Variants in GSX1 observed in about 807,000 individuals in gnomAD.
The protein encoded by GSX1 is GS homeo box protein 1.
GSX1 carries 13 observed loss-of-function variants against 17.7 expected under a neutral mutation model. The ratio of observed to expected loss-of-function variants is 0.74; its 90% CI spans 0.48 to 1.17. The LOEUF (loss-of-function observed/expected upper bound fraction) is 1.17, where lower values mean the gene tolerates loss of function less well. Among genes scored for constraint, GSX1 ranks in the 50% most tolerant of loss-of-function variants. GSX1 has a pLI of 0.00. For synonymous variants in GSX1, 202 were observed against 176.2 expected (o/e 1.15, Z -1.16); for missense variants, 371 against 372.1 (o/e 1.00, Z 0.02).
chr13:27,792,804 G>T lies in GSX1; in HGVS notation c.114G>T (p.Ala38=), dbSNP rs571843674. 1.3e-6 allele frequency: 2 copies of T among 1,504,332 alleles called. No individual in the cohort carries two copies. The highest frequency in any genetic ancestry group is 1.8e-6 in the Non-Finnish European group (2 of 1,134,540). The allele number at this position is 1,504,332 out of a possible 1,614,324, so 93.2% of individuals were successfully genotyped here. Residue 38 remains alanine (A), a synonymous_variant, in exon 1 of 2, where the codon GCG becomes GCT. Transcript: ENST00000302945. ...LFPYAVPPPH[A]LHGLSPGACH... Reference sequence around the variant, plus strand: ...CCTACGCTGTGCCCCCGCCGCACGCGCTGCACGGTCTCTCGCCTGGCGCCT... The same window carrying T: ...CCTACGCTGTGCCCCCGCCGCACGCTCTGCACGGTCTCTCGCCTGGCGCCT...
rs548921934 is a variant in GSX1, at chr13:27,792,625, G to A, written c.-66G>A. ...GATACCGCGGCCAGGGAAAGCGCGT[G>A]GAGAGCCGAAAGGTGCGGTGGGCGC... On this transcript the variant is annotated 5_prime_UTR_variant, in exon 1 of 2. Transcript: ENST00000302945. 67 of 1,273,542 alleles carry A rather than the reference G, an allele frequency of 5.3e-5. No homozygotes were observed. The African/African-American group carries it at 9.6e-4, about 18-fold the overall frequency. The allele number at this position is 1,273,542 out of a possible 1,614,324, so 78.9% of individuals were successfully genotyped here.
In GSX1 at chr13:27,793,537, C is replaced by A; in HGVS notation, c.413-29C>A. 6.3e-7 allele frequency: 1 copy of A among 1,586,078 alleles called. No individual in the cohort carries two copies. Among genetic ancestry groups the A allele is most frequent in the South Asian group, 1.2e-5 (1 of 86,512 alleles). On this transcript the variant is annotated intron_variant, in intron 1 of 1. Transcript: ENST00000302945. The surrounding 1 kb of genome is among the most constrained non-coding windows in gnomAD (Gnocchi z 6.2). ...TGGGTCCACAGCACAGAGGTCTGAT[C>A]GCTTCCTTCTCTGCTCTGCCACCTC...
Position 27,792,604 on chromosome 13 carries a change from C to G in GSX1, c.-87C>G. ...CCTGGGCAGAGGCAGCTGCGGGATA[C>G]CGCGGCCAGGGAAAGCGCGTGGAGA... is the stretch of plus-strand genomic sequence containing the variant. On this transcript the variant is annotated 5_prime_UTR_variant, in exon 1 of 2. Coordinates refer to ENST00000302945, the MANE Select transcript of GSX1 (RefSeq NM_145657.3). The G allele has an allele frequency of 8.6e-7, 1 of 1,157,538 alleles. No individual in the cohort carries two copies. Among genetic ancestry groups the G allele is most frequent in the East Asian group, 3.3e-5 (1 of 30,766 alleles). 71.7% of individuals were successfully genotyped at this position (1,157,538 alleles called of 1,614,324 possible). A position where few individuals can be genotyped will look rare whatever the true frequency, so the allele number is the denominator to read the frequency against.
rs928160417 is a variant in GSX1 at position 27,792,783 on chromosome 13, C to T, written c.93C>T (p.Tyr31=). Residue 31 remains tyrosine, a synonymous_variant, in exon 1 of 2, where the codon TAC becomes TAT. Transcript: ENST00000302945. ...GCAGCCCGCCGCCGCTCTTCCCCTA[C>T]GCTGTGCCCCCGCCGCACGCGCTGC... ...PEGSPPPLFP[Y]AVPPPHALHG... is the part of the protein sequence containing the mutation. The T allele has an allele frequency of 2.1e-5, 31 of 1,499,438 alleles. No homozygotes were observed. The highest frequency in any genetic ancestry group is 2.4e-5 in the Non-Finnish European group (27 of 1,132,638). The allele number at this position is 1,499,438 out of a possible 1,614,324, so 92.9% of individuals were successfully genotyped here.
rs895421910 is a variant in GSX1, at chr13:27,792,798, G to T, written c.108G>T (p.Pro36=). 1.3e-6 allele frequency: 2 copies of T among 1,500,632 alleles called. No individual in the cohort carries two copies. The highest frequency in any genetic ancestry group is 2.7e-5 in the East Asian group (1 of 36,500). 93.0% of individuals were successfully genotyped at this position (1,500,632 alleles called of 1,614,324 possible). A position where few individuals can be genotyped will look rare whatever the true frequency, so the allele number is the denominator to read the frequency against. ...PPLFPYAVPP[P]HALHGLSPGA... ...TCTTCCCCTACGCTGTGCCCCCGCCGCACGCGCTGCACGGTCTCTCGCCTG... is the reference window on the plus strand; with the variant it reads ...TCTTCCCCTACGCTGTGCCCCCGCCTCACGCGCTGCACGGTCTCTCGCCTG... The change falls in exon 1 of 2, where the codon CCG becomes CCT. Residue 36 remains proline (P), a synonymous_variant. Transcript: ENST00000302945.
chr13:27,792,875 T>C lies in GSX1; in HGVS notation c.185T>C (p.Val62Ala), dbSNP rs1313326741. The change falls in exon 1 of 2, where the codon GTC (valine) becomes GCC (alanine). Residue 62 changes from valine to alanine, a missense_variant. Physicochemically the swap from Val to Ala is moderately conservative, Grantham distance 64. Transcript: ENST00000302945. Reference sequence around the variant, plus strand: ...CTGCTGTGCGTGTGCCCGCTCTGCGTCACCGCCTCGCAGCTGCATGGGCCC... The same window carrying C: ...CTGCTGTGCGTGTGCCCGCTCTGCGCCACCGCCTCGCAGCTGCATGGGCCC... ...AGLLCVCPLC[V>A]TASQLHGPPG... The C allele has an allele frequency of 1.1e-5, 16 of 1,522,200 alleles. No homozygotes were observed. The highest frequency in any genetic ancestry group is 1.4e-5 in the Non-Finnish European group (16 of 1,140,796). The allele number at this position is 1,522,200 out of a possible 1,614,324, so 94.3% of individuals were successfully genotyped here. A position where few individuals can be genotyped will look rare whatever the true frequency, so the allele number is the denominator to read the frequency against.
At position 27,793,214 on chromosome 13, in the gene GSX1, G is replaced by T. The variant is rs1957077675; in HGVS notation, c.412+112G>T. Reference sequence around the variant, plus strand: ...GCTTTCTGGGGGCGGTGAGGGTCATGTCGGGGACTAAGGGGGGCGCTTGGG... The same window carrying T: ...GCTTTCTGGGGGCGGTGAGGGTCATTTCGGGGACTAAGGGGGGCGCTTGGG... On this transcript the variant is annotated intron_variant, in intron 1 of 1. Coordinates refer to ENST00000302945, the MANE Select transcript of GSX1 (RefSeq NM_145657.3). This position sits in a 1 kb window ranked among gnomAD's most constrained non-coding sequence, Gnocchi z 6.2. 8.2e-7 allele frequency: 1 copy of T among 1,217,376 alleles called. No individual in the cohort carries two copies. The highest frequency in any genetic ancestry group is 1.1e-6 in the Non-Finnish European group (1 of 906,196). The allele number at this position is 1,217,376 out of a possible 1,614,324, so 75.4% of individuals were successfully genotyped here.
At position 27,794,044 on chromosome 13, in the gene GSX1, A is replaced by AT; in HGVS notation, c.*96_*97insT. The AT allele has an allele frequency of 7.5e-7, 1 of 1,342,046 alleles. No individual in the cohort carries two copies. Among genetic ancestry groups the AT allele is most frequent in the Non-Finnish European group, 1.0e-6 (1 of 992,752 alleles). The allele number at this position is 1,342,046 out of a possible 1,614,324, so 83.1% of individuals were successfully genotyped here. ...CTGATTCCCAGGCACCCGCAGCCAA[A>AT]CCACTGCCTGGCATGGATTTGGCAC... On this transcript the variant is annotated 3_prime_UTR_variant, in exon 2 of 2. Transcript: ENST00000302945.
In GSX1 at chr13:27,792,944, C is replaced by G; in HGVS notation, c.254C>G (p.Pro85Arg). ...ALPLLKASFP[P>R]FGSQYCHAPL... ...CCTCTACTCAAGGCTTCCTTCCCACCCTTCGGCTCGCAGTACTGCCACGCG... is the reference window on the plus strand; with the variant it reads ...CCTCTACTCAAGGCTTCCTTCCCACGCTTCGGCTCGCAGTACTGCCACGCG... The change falls in exon 1 of 2, where the codon CCC (proline) becomes CGC (arginine). Residue 85 changes from proline (P) to arginine (R), a missense_variant. Pro to Arg is a moderately radical substitution (Grantham distance 103, BLOSUM62 -2). Around this residue, in one of 3 missense-constraint regions of GSX1, gnomAD observed 212 missense variants for 193.9 expected, o/e 1.09. Coordinates refer to ENST00000302945, the MANE Select transcript of GSX1 (RefSeq NM_145657.3). 1 of 1,537,408 alleles carries G rather than the reference C, an allele frequency of 6.5e-7. No homozygotes were observed. Among genetic ancestry groups the G allele is most frequent in the Non-Finnish European group, 8.7e-7 (1 of 1,146,810 alleles).
chr13:27,794,494 C>G lies in GSX1; in HGVS notation c.*546C>G. 6.6e-6 allele frequency: 1 copy of G among 152,632 alleles called. No homozygotes were observed. Among genetic ancestry groups the G allele is most frequent in the Non-Finnish European group, 1.5e-5 (1 of 68,422 alleles). The allele number at this position is 152,632 out of a possible 1,614,324, so 9.5% of individuals were successfully genotyped here. ...ACTTTTTTTTTCCTTCTCCTTTTCC[C>G]TTCCCCTCCTCAGGGAGCCTCCTCC... On this transcript the variant is annotated 3_prime_UTR_variant, in exon 2 of 2. Coordinates refer to ENST00000302945, the MANE Select transcript of GSX1 (RefSeq NM_145657.3).
chr13:27,793,928 G>A lies in GSX1; in HGVS notation c.775G>A (p.Asp259Asn), dbSNP rs1957084090. Residue 259 changes from aspartate (D) to asparagine (N), a missense_variant, in exon 2 of 2, where the codon GAT becomes AAT. Asp to Asn is a conservative substitution (Grantham distance 23). This residue lies in a region of GSX1 where 92 missense variants were observed against 70.0 expected (regional missense o/e 1.31). Transcript: ENST00000302945. The surrounding 1 kb of genome is among the most constrained non-coding windows in gnomAD (Gnocchi z 6.2). ...SPSSSGKDDR[D>N]LTVTP ...GTCCTCCTCAGGGAAGGACGACCGGGATCTTACGGTCACTCCCTAGGCGCG... is the reference window on the plus strand; with the variant it reads ...GTCCTCCTCAGGGAAGGACGACCGGAATCTTACGGTCACTCCCTAGGCGCG... The A allele has an allele frequency of 1.9e-6, 3 of 1,559,906 alleles. No homozygotes were observed. Among genetic ancestry groups the A allele is most frequent in the Non-Finnish European group, 2.6e-6 (3 of 1,150,932 alleles).
Position 27,793,654 on chromosome 13 carries a change from T to C in GSX1, c.501T>C (p.Ala167=). Residue 167 remains alanine (A), a synonymous_variant, in exon 2 of 2, where the codon GCT becomes GCC. Transcript: ENST00000302945. This position sits in a 1 kb window ranked among gnomAD's most constrained non-coding sequence, Gnocchi z 6.2. Reference sequence around the variant, plus strand: ...TGCTAGAGCTGGAGCGCGAGTTCGCTTCTAATATGTACCTGTCCCGCCTAC... The same window carrying C: ...TGCTAGAGCTGGAGCGCGAGTTCGCCTCTAATATGTACCTGTCCCGCCTAC... ...TQLLELEREF[A]SNMYLSRLRR... The C allele has an allele frequency of 6.2e-7, 1 of 1,614,156 alleles. No individual in the cohort carries two copies. Among genetic ancestry groups the C allele is most frequent in the Non-Finnish European group, 8.5e-7 (1 of 1,180,022 alleles).
chr13:27,792,659 G>A lies in GSX1; in HGVS notation c.-32G>A. On this transcript the variant is annotated 5_prime_UTR_variant, in exon 1 of 2. Transcript: ENST00000302945. ...AAAGGTGCGGTGGGCGCAGAGGGCG[G>A]GCTGGCTGCGGGGCGACCGCGCGCC... is the stretch of plus-strand genomic sequence containing the variant. The A allele has an allele frequency of 7.4e-7, 1 of 1,349,406 alleles. No individual in the cohort carries two copies. The highest frequency in any genetic ancestry group is 9.5e-7 in the Non-Finnish European group (1 of 1,058,070). 83.6% of individuals were successfully genotyped at this position (1,349,406 alleles called of 1,614,324 possible).
chr13:27,793,999 A>C lies in GSX1; in HGVS notation c.*51A>C. 1.3e-6 allele frequency: 2 copies of C among 1,510,128 alleles called. No homozygotes were observed. Among genetic ancestry groups the C allele is most frequent in the South Asian group, 1.3e-5 (1 of 75,112 alleles). The allele number at this position is 1,510,128 out of a possible 1,614,324, so 93.5% of individuals were successfully genotyped here. ...CCCAAGACCTCCCTGCGCCTCGGAGACTAGTCCTGGGACTCAGCGCTGATT... is the reference window on the plus strand; with the variant it reads ...CCCAAGACCTCCCTGCGCCTCGGAGCCTAGTCCTGGGACTCAGCGCTGATT... On this transcript the variant is annotated 3_prime_UTR_variant, in exon 2 of 2. Transcript: ENST00000302945. This position sits in a 1 kb window ranked among gnomAD's most constrained non-coding sequence, Gnocchi z 6.2.
rs1957089548 is a variant in GSX1, at chr13:27,794,745, G to T, written c.*797G>T. On this transcript the variant is annotated 3_prime_UTR_variant, in exon 2 of 2. Coordinates refer to ENST00000302945, the MANE Select transcript of GSX1 (RefSeq NM_145657.3). Reference sequence around the variant, plus strand: ...CCCGCCCCAGCCTAGCTGTGTAATTGTACGGCCTCTGCAATGCCAGAAGAT... The same window carrying T: ...CCCGCCCCAGCCTAGCTGTGTAATTTTACGGCCTCTGCAATGCCAGAAGAT... The T allele has an allele frequency of 6.6e-6, 1 of 152,178 alleles. No homozygotes were observed. The highest frequency in any genetic ancestry group is 1.9e-4 in the East Asian group (1 of 5,194). The allele number at this position is 152,178 out of a possible 1,614,324, so 9.4% of individuals were successfully genotyped here.
chr13:27,792,865 C>T lies in GSX1; in HGVS notation c.175C>T (p.Pro59Ser), dbSNP rs1376871601. ...CAAGGCTGGGCTGCTGTGCGTGTGC[C>T]CGCTCTGCGTCACCGCCTCGCAGCT... Reference protein sequence around the residue: ...ARKAGLLCVCPLCVTASQLHG... With the variant: ...ARKAGLLCVCSLCVTASQLHG... Residue 59 changes from proline (P) to serine (S), a missense_variant, in exon 1 of 2, where the codon CCG becomes TCG. Physicochemically the swap from Pro to Ser is moderately conservative, Grantham distance 74. Around this residue, in one of 3 missense-constraint regions of GSX1, gnomAD observed 212 missense variants for 193.9 expected, o/e 1.09. Transcript: ENST00000302945. 4.6e-6 allele frequency: 7 copies of T among 1,520,756 alleles called. No homozygotes were observed. In the Admixed American group the frequency reaches 1.4e-4, roughly 31 times the overall value. 94.2% of individuals were successfully genotyped at this position (1,520,756 alleles called of 1,614,324 possible).
rs1311615267 is a variant in GSX1, at chr13:27,793,540, T to C, written c.413-26T>C. 1 of 1,591,014 alleles carries C rather than the reference T, an allele frequency of 6.3e-7. No homozygotes were observed. Among genetic ancestry groups the C allele is most frequent in the Non-Finnish European group, 8.5e-7 (1 of 1,170,854 alleles). ...GTCCACAGCACAGAGGTCTGATCGC[T>C]TCCTTCTCTGCTCTGCCACCTCCAG... On this transcript the variant is annotated intron_variant, in intron 1 of 1. Transcript: ENST00000302945. The surrounding 1 kb of genome is among the most constrained non-coding windows in gnomAD (Gnocchi z 6.2).
chr13:27,793,908 C>T lies in GSX1; in HGVS notation c.755C>T (p.Ser252Phe), dbSNP rs570205728. ...DDDELPMSPSSSGKDDRDLTV... is the reference protein window; with the variant it reads ...DDDELPMSPSFSGKDDRDLTV... ...GACGAATTGCCCATGTCTCCGTCCT[C>T]CTCAGGGAAGGACGACCGGGATCTT... The change falls in exon 2 of 2, where the codon TCC (serine) becomes TTC (phenylalanine). Residue 252 changes from serine (S) to phenylalanine (F), a missense_variant. Physicochemically the swap from Ser to Phe is radical, Grantham distance 155. This residue lies in a region of GSX1 where 92 missense variants were observed against 70.0 expected (regional missense o/e 1.31). Transcript: ENST00000302945. The surrounding 1 kb of genome is among the most constrained non-coding windows in gnomAD (Gnocchi z 6.2). The T allele has an allele frequency of 1.2e-5, 19 of 1,571,904 alleles. No individual in the cohort carries two copies. In the South Asian group the frequency reaches 2.3e-4, roughly 19 times the overall value.
Position 27,793,240 on chromosome 13 carries a change from G to T in GSX1, c.412+138G>T. ...TCGGGGACTAAGGGGGGCGCTTGGG[G>T]TGGAGTGAGGATAGAGGGCCGGGAC... On this transcript the variant is annotated intron_variant, in intron 1 of 1. Transcript: ENST00000302945. The surrounding 1 kb of genome is among the most constrained non-coding windows in gnomAD (Gnocchi z 6.2). The T allele has an allele frequency of 1.0e-6, 1 of 991,384 alleles. No individual in the cohort carries two copies. The highest frequency in any genetic ancestry group is 1.4e-6 in the Non-Finnish European group (1 of 700,250). 61.4% of individuals were successfully genotyped at this position (991,384 alleles called of 1,614,324 possible).
Sources: gnomAD v4.1 joint callset for allele counts on GRCh38, gnomAD v4.1.1 for gene constraint, gnomAD v4.1.1 regional missense constraint, Gnocchi (gnomAD v3.1) non-coding constraint, MANE v1.5 for transcripts, NCBI Gene and HGNC (gene_info 2026-07-23, HGNC 2026-07-21) for gene names.